SARNP: variants seen among roughly 807,000 people sequenced by gnomAD.
SARNP encodes the protein SAP domain containing ribonucleoprotein.
Under a neutral mutation model 38.1 loss-of-function variants are expected in SARNP, and 5 were observed. That is an observed-to-expected ratio of 0.13 (90% CI 0.07 to 0.28). The LOEUF (loss-of-function observed/expected upper bound fraction) is 0.28, where lower values mean the gene tolerates loss of function less well. SARNP is among the 10% of genes least tolerant of loss of function. The probability of loss-of-function intolerance (pLI) is 1.00; values close to 1 mark genes in which losing one functional copy is unlikely to be tolerated. For synonymous variants in SARNP, 84 were observed against 80.6 expected (o/e 1.04, Z -0.23); for missense variants, 180 against 243.9 (o/e 0.74, Z 1.75).
chr12:55,760,874 T>C (rs987269930), intron 9 of SARNP: 8 of 439,970 alleles, frequency 1.8e-5, no homozygotes, highest in African/African-American at 1.2e-4. Context: ...ATAAGACAAG[T>C]AGGGTAAAGA....
chr12:55,801,893 A>T (rs1486232495), intron 2 of SARNP, among the ~76,000 whole-genome samples: 1 of 152,192 alleles, frequency 6.6e-6, no homozygotes, highest in African/African-American at 2.4e-5. Context: ...GCTGAGTTAC[A>T]GGCATGAACC....
intron 9 of SARNP, among the ~76,000 whole-genome samples, chr12:55,773,055 A>G (rs1485259988): frequency 6.6e-6 from 1 of 152,196 alleles, no homozygotes; most frequent in Admixed American, 6.5e-5. Context: ...ATGCTGTCTT[A>G]GCCAAAACAT....
chr12:55,775,241 T>TAAAAAAAAAAAAAAAAAA (rs375018386), intron 9 of SARNP, among the ~76,000 whole-genome samples: 1 of 118,584 alleles, frequency 8.4e-6, no homozygotes, highest in African/African-American at 3.0e-5. Context: ...AGGTTAAAAT[T>TAAAAAAAAAAAAAAAAAA]AAAAAAAAAA....
rs192932410 is a variant in SARNP, at chr12:55,810,700, G to A, written c.36+6966C>T. Among the ~76,000 whole-genome samples the A allele has an allele frequency of 4.1e-3, 614 of 149,014 alleles. 1 individual carries two copies. Among genetic ancestry groups the A allele is most frequent in the African/African-American group, 0.011 (453 of 40,514 alleles). Reference sequence around the variant, plus strand: ...ACTCCTGACCTCAGGTGATCTTCCCGCCTCGGCCTCTCAAAGGGCTGGGAT... The same window carrying A: ...ACTCCTGACCTCAGGTGATCTTCCCACCTCGGCCTCTCAAAGGGCTGGGAT... On this transcript the variant is annotated intron_variant, in intron 1 of 10. Transcript: ENST00000336133.
At chr12:55,782,115 A>C (rs1162845128) in intron 9 of SARNP, among the ~76,000 whole-genome samples, 1 of 152,220 alleles carries the variant, frequency 6.6e-6, no homozygotes, top group African/African-American at 2.4e-5. Context: ...ACTGGACTTA[A>C]GACAACTCTT....
At chr12:55,768,205 A>G (rs1023666981) in intron 9 of SARNP, among the ~76,000 whole-genome samples, 4 of 152,048 alleles carry the variant, frequency 2.6e-5, no homozygotes, top group Non-Finnish European at 5.9e-5. Context: ...GGCTCACTGC[A>G]ACCTCCGCCT....
chr12:55,778,979 G>GCAAAACAAAACAAAA (rs374254023), intron 9 of SARNP, among the ~76,000 whole-genome samples: 1 of 151,854 alleles, frequency 6.6e-6, no homozygotes, highest in Non-Finnish European at 1.5e-5. Context: ...AAAAAGCAAA[G>GCAAAACAAAACAAAA]CAAAACAAAA....
Position 55,794,198 on chromosome 12 carries a change from G to C in SARNP, c.406+161C>G, listed in dbSNP as rs974705592. On this transcript the variant is annotated intron_variant, in intron 7 of 10. Coordinates refer to ENST00000336133, the MANE Select transcript of SARNP (RefSeq NM_033082.4). ...GTATCTCTCTTAATTGCCCAGGAAGGCCTAAGTATAATTTTACCTAAAGCA... is the reference window on the plus strand; with the variant it reads ...GTATCTCTCTTAATTGCCCAGGAAGCCCTAAGTATAATTTTACCTAAAGCA... 22 of 664,472 alleles carry C rather than the reference G, an allele frequency of 3.3e-5. No individual in the cohort carries two copies. The Admixed American group carries it at 3.9e-4, about 12-fold the overall frequency. 41.2% of individuals were successfully genotyped at this position (664,472 alleles called of 1,614,324 possible). A position where few individuals can be genotyped will look rare whatever the true frequency, so the allele number is the denominator to read the frequency against.
At chr12:55,783,931 A>T (rs1879412861) in intron 9 of SARNP, among the ~76,000 whole-genome samples, 1 of 152,136 alleles carries the variant, frequency 6.6e-6, no homozygotes, top group African/African-American at 2.4e-5. Context: ...ATCTCTAAAA[A>T]AAAGAAAAAA....
At chr12:55,815,907 A>G (rs566864864) in intron 1 of SARNP, 15 of 152,352 alleles carry the variant, frequency 9.8e-5, no homozygotes, top group African/African-American at 3.6e-4. Flanking sequence ...AGTTTCAAAG[A>G]TATCTGTGAC....
chr12:55,775,555 C>CAAAAAA (rs56311724), intron 9 of SARNP, among the ~76,000 whole-genome samples: 4 of 120,888 alleles, frequency 3.3e-5, no homozygotes, highest in African/African-American at 8.8e-5. Context: ...AAAACAAAAA[C>CAAAAAA]AAAAAAAAAA....
chr12:55,803,584 G>T, intron 2 of SARNP, 45 bp downstream of exon 2: 2 of 1,196,476 alleles, frequency 1.7e-6, no homozygotes, highest in Non-Finnish European at 2.4e-6. Context: ...GTCAAAGCCT[G>T]AAAATCCCCT....
downstream of SARNP, chr12:55,755,036 T>A (rs1026337423): frequency 2.0e-5 from 3 of 152,132 alleles, no homozygotes. Context: ...TTAAATCCCT[T>A]TGGAAGGGAA....
chr12:55,812,689 T>C (rs960466287), intron 1 of SARNP, among the ~76,000 whole-genome samples: 7 of 152,264 alleles, frequency 4.6e-5, no homozygotes, highest in African/African-American at 1.4e-4. Context: ...CCTGGAGTCA[T>C]CTTTCATTTT....
chr12:55,775,241 T>TA (rs375018386), intron 9 of SARNP, among the ~76,000 whole-genome samples: 31,800 of 118,492 alleles, frequency 0.27, 4,100 homozygotes, highest in Middle Eastern at 0.36. Context: ...AGGTTAAAAT[T>TA]AAAAAAAAAA....
At chr12:55,813,222 G>A (rs1278484887) in intron 1 of SARNP, among the ~76,000 whole-genome samples, 2 of 152,172 alleles carry the variant, frequency 1.3e-5, no homozygotes, top group Non-Finnish European at 2.9e-5. Flanking sequence ...GGGATTACAG[G>A]CATGAGCCAC....
At chr12:55,777,113 G>A (rs1328262336) in intron 9 of SARNP, among the ~76,000 whole-genome samples, 1 of 152,146 alleles carries the variant, frequency 6.6e-6, no homozygotes, top group Non-Finnish European at 1.5e-5. Context: ...ATAGAAAAGA[G>A]TTTTTTCTTA....
downstream of SARNP, chr12:55,755,481 T>G (rs921331316): frequency 3.3e-5 from 5 of 152,160 alleles, no homozygotes; most frequent in African/African-American, 1.2e-4. Flanking sequence ...ATGTCACAGC[T>G]TCAGGAATTG....
At position 55,757,637 on chromosome 12, in the gene SARNP, T is replaced by G. The variant is rs1051722469; in HGVS notation, c.592-84A>C. On this transcript the variant is annotated intron_variant, in intron 10 of 10. Coordinates refer to ENST00000336133, the MANE Select transcript of SARNP (RefSeq NM_033082.4). ...CTGGCTGCTTTAATCCAAACTCACA[T>G]GAACTGTCACAAGGCCCGAGAAGGA... 12 of 1,081,154 alleles carry G rather than the reference T, an allele frequency of 1.1e-5. No individual in the cohort carries two copies. The African/African-American group carries it at 1.9e-4, about 17-fold the overall frequency. The allele number at this position is 1,081,154 out of a possible 1,614,324, so 67.0% of individuals were successfully genotyped here. A position where few individuals can be genotyped will look rare whatever the true frequency, so the allele number is the denominator to read the frequency against.
Sources: allele counts gnomAD v4.1 joint callset (sites outside exome capture counted in the v4.1 genomes callset), GRCh38; gene constraint gnomAD v4.1.1; transcripts MANE v1.5; gene names NCBI Gene and HGNC (gene_info 2026-07-23, HGNC 2026-07-21).